Variants in KLF12 observed in about 807,000 individuals in gnomAD.
KLF12 encodes Krueppel-like factor 12.
In KLF12, 9 loss-of-function variants were observed where a neutral mutation model predicts 37.8. The observed-to-expected ratio is 0.24, with a 90% confidence interval of 0.14 to 0.42. KLF12 has a LOEUF of 0.42. Ranked by LOEUF, KLF12 falls within the 10% of genes least tolerant of loss-of-function variation. The pLI, the probability that KLF12 is intolerant of heterozygous loss-of-function variation, is 1.00. For synonymous variants in KLF12, 208 were observed against 202.1 expected, an observed-to-expected ratio of 1.03 and a Z score of -0.25; for missense variants, 411 against 516.0, an observed-to-expected ratio of 0.80 and a Z score of 1.97.
chr13:74,139,672 A>G, the KLF12 span, among the ~76,000 whole-genome samples: 2 of 152,150 alleles, frequency 1.3e-5, no homozygotes, highest in African/African-American at 4.8e-5. Context: ...TTAAAATTAG[A>G]TAGCATTCTA....
chr13:74,285,217 T>C, the KLF12 span, among the ~76,000 whole-genome samples: 1 of 152,182 alleles, frequency 6.6e-6, no homozygotes, highest in African/African-American at 2.4e-5. Context: ...ATTTGGCTTC[T>C]TGTTAATTGC....
rs1874967780 is a variant in KLF12 at position 73,706,619 on chromosome 13, AC to A, written c.1027+8748del. On this transcript the variant is annotated intron_variant, in intron 7 of 7. Coordinates refer to ENST00000377669, the MANE Select transcript of KLF12 (RefSeq NM_007249.5). ...TTTTGTTTTCCTTGTTGGAGGTGGC[AC>A]TGAAACATGCTTGTCTGCATAGGCA... Among the ~76,000 whole-genome samples the A allele has an allele frequency of 2.6e-5, 4 of 152,350 alleles. No homozygotes were observed. The South Asian group carries it at 8.3e-4, about 32-fold the overall frequency.
intron 5 of KLF12, among the ~76,000 whole-genome samples, chr13:73,772,313 G>A (rs1594073062): frequency 1.3e-5 from 2 of 152,322 alleles, no homozygotes; most frequent in East Asian, 1.9e-4. Context: ...ATGCTACAAG[G>A]ATTCAAACAC....
intron 3 of KLF12, among the ~76,000 whole-genome samples, chr13:73,935,247 C>G (rs189221399): frequency 3.5e-4 from 54 of 152,150 alleles, no homozygotes; most frequent in African/African-American, 1.3e-3. Context: ...CCTCGGCCTC[C>G]CAAAGTGCTG....
At chr13:73,950,393 T>C (rs1332106149) in intron 2 of KLF12, among the ~76,000 whole-genome samples, 2 of 152,200 alleles carry the variant, frequency 1.3e-5, no homozygotes, top group East Asian at 1.9e-4. Context: ...CCTTTGTTCA[T>C]TGGGCAGAGG....
At chr13:74,280,739 C>T in the KLF12 span, among the ~76,000 whole-genome samples, 8 of 151,952 alleles carry the variant, frequency 5.3e-5, no homozygotes, top group South Asian at 2.1e-4. Flanking sequence ...AATACTGTTT[C>T]GTGAATTTTT....
At chr13:73,924,521 T>C (rs767716363) in intron 3 of KLF12, among the ~76,000 whole-genome samples, 2 of 152,154 alleles carry the variant, frequency 1.3e-5, no homozygotes, top group Non-Finnish European at 2.9e-5. Context: ...TTAATAAATG[T>C]GTGTGTTTTG....
chr13:73,710,239 A>G (rs1875266947), intron 7 of KLF12, among the ~76,000 whole-genome samples: 1 of 152,210 alleles, frequency 6.6e-6, no homozygotes, highest in Non-Finnish European at 1.5e-5. Context: ...CAAGGGATAG[A>G]CAAGATACAG....
At chr13:73,763,244 T>C (rs562749020) in intron 6 of KLF12, among the ~76,000 whole-genome samples, 1 of 152,182 alleles carries the variant, frequency 6.6e-6, no homozygotes, top group Non-Finnish European at 1.5e-5. Context: ...CTTAGAGCTT[T>C]ACCCACATTG....
At chr13:74,027,188 C>T (rs1425764814) in intron 1 of KLF12, among the ~76,000 whole-genome samples, 1 of 152,194 alleles carries the variant, frequency 6.6e-6, no homozygotes, top group East Asian at 1.9e-4. Flanking sequence ...AAACAACCTA[C>T]CTTACAGCTT....
intron 4 of KLF12, among the ~76,000 whole-genome samples, chr13:73,833,914 GCACGTCTA>G (rs1566403256): frequency 2.1e-4 from 32 of 152,082 alleles, no homozygotes. Flanking sequence ...GGTTCAGACT[GCACGTCTA>G]CACTGGCCAC....
chr13:74,012,558 T>G (rs1307310441), intron 1 of KLF12, among the ~76,000 whole-genome samples: 1 of 152,230 alleles, frequency 6.6e-6, no homozygotes, highest in Non-Finnish European at 1.5e-5. Context: ...TATATTATGT[T>G]ACAGTATCAT....
At chr13:73,806,768 T>A (rs1442264222) in intron 5 of KLF12, among the ~76,000 whole-genome samples, 1 of 152,008 alleles carries the variant, frequency 6.6e-6, no homozygotes, top group Non-Finnish European at 1.5e-5. Flanking sequence ...GCAAATTAAA[T>A]GAAAATTACA....
Position 74,065,735 on chromosome 13 carries a change from G to A in KLF12, c.-32+68004C>T, listed in dbSNP as rs73529198. Among the ~76,000 whole-genome samples, 360 of 152,172 alleles carry A rather than the reference G, an allele frequency of 2.4e-3. 1 individual carries two copies. The highest frequency in any genetic ancestry group is 8.1e-3 in the African/African-American group (335 of 41,510). ...GACGTGAGGGAAGTGCATGAGCAAC[G>A]TGGCTTGGGACCGCAACTACAAAGT... On this transcript the variant is annotated intron_variant, in intron 1 of 7. Coordinates refer to ENST00000377669, the MANE Select transcript of KLF12 (RefSeq NM_007249.5).
chr13:74,136,814 G>A (rs1330893828), upstream of KLF12, among the ~76,000 whole-genome samples: 1 of 151,934 alleles, frequency 6.6e-6, no homozygotes, highest in Non-Finnish European at 1.5e-5. Flanking sequence ...GCATTGGGGG[G>A]AAAAGATGCA....
intron 4 of KLF12, among the ~76,000 whole-genome samples, chr13:73,822,903 T>C (rs1278968649): frequency 3.9e-5 from 6 of 152,218 alleles, no homozygotes; most frequent in Admixed American, 3.9e-4. Context: ...CTTTGCCTTT[T>C]GTTCATTCAT....
intron 3 of KLF12, among the ~76,000 whole-genome samples, chr13:73,930,929 T>C (rs1889644527): frequency 1.4e-5 from 2 of 145,220 alleles, no homozygotes; most frequent in Admixed American, 1.5e-4. Context: ...AATGGCGCGA[T>C]CTCGGCTCAC....
the KLF12 span, among the ~76,000 whole-genome samples, chr13:74,192,593 G>T: frequency 6.6e-6 from 1 of 152,162 alleles, no homozygotes. Flanking sequence ...TGTGGCATGA[G>T]AAATCAGTTT....
chr13:73,885,913 G>A (rs1887200845), intron 3 of KLF12, among the ~76,000 whole-genome samples: 1 of 152,186 alleles, frequency 6.6e-6, no homozygotes, highest in East Asian at 1.9e-4. Flanking sequence ...ACTGGATGTG[G>A]AATGTGAAGG....
Sources: allele counts gnomAD v4.1 joint callset (sites outside exome capture counted in the v4.1 genomes callset), GRCh38; gene constraint gnomAD v4.1.1; transcripts MANE v1.5; gene names NCBI Gene and HGNC (gene_info 2026-07-23, HGNC 2026-07-21).